Variants in ZFAT observed in about 807,000 individuals in gnomAD.
The protein encoded by ZFAT is zinc finger protein ZFAT.
Under a neutral mutation model 117.7 loss-of-function variants are expected in ZFAT, and 64 were observed. That is an observed-to-expected ratio of 0.54 (90% confidence interval 0.44 to 0.67). The LOEUF is 0.67. ZFAT is among the 30% of genes least tolerant of loss of function. ZFAT has a pLI of 0.00. For missense variants in ZFAT, 1,433 were observed against 1,584.5 expected (o/e 0.90, Z 1.62); for synonymous variants, 679 against 615.0 (o/e 1.10, Z -1.54).
intron 7 of ZFAT, among the ~76,000 whole-genome samples, chr8:134,596,009 G>A (rs569778558): frequency 1.3e-5 from 2 of 152,320 alleles, no homozygotes; most frequent in East Asian, 3.9e-4. Context: ...AGGCCAGGCA[G>A]CCAGAATTAT....
At chr8:134,819,336 A>T in the ZFAT span, among the ~76,000 whole-genome samples, 5 of 152,300 alleles carry the variant, frequency 3.3e-5, no homozygotes, top group African/African-American at 1.2e-4. Context: ...AAGAAAAATC[A>T]AAGTCCAAGA....
intron 1 of ZFAT, among the ~76,000 whole-genome samples, chr8:134,700,130 G>A (rs1320445827): frequency 6.6e-6 from 1 of 152,218 alleles, no homozygotes; most frequent in Non-Finnish European, 1.5e-5. Context: ...AGTCCAGTGT[G>A]TACCTCACCT....
chr8:134,523,758 C>G (rs964844068), intron 12 of ZFAT, among the ~76,000 whole-genome samples: 7 of 152,264 alleles, frequency 4.6e-5, no homozygotes, highest in Non-Finnish European at 7.3e-5. Flanking sequence ...TGCTGTGCCT[C>G]CTGGTTCACA....
At chr8:134,537,457 G>A (rs528967738) in intron 11 of ZFAT, among the ~76,000 whole-genome samples, 2 of 152,336 alleles carry the variant, frequency 1.3e-5, no homozygotes, top group South Asian at 4.1e-4. Context: ...CTAGACCGAG[G>A]AATCGCACAG....
chr8:134,533,145 G>C (rs1170041107), intron 11 of ZFAT, among the ~76,000 whole-genome samples, 173 bp from the exon 12 acceptor site: 1 of 152,212 alleles, frequency 6.6e-6, no homozygotes, highest in Non-Finnish European at 1.5e-5. Context: ...ACCTGCCTCT[G>C]CAGTGACCAA....
rs138419752 is a variant in ZFAT, at chr8:134,555,742, C to A, written c.2976+9591G>T. On this transcript the variant is annotated intron_variant, in intron 11 of 15. Coordinates refer to ENST00000377838, the MANE Select transcript of ZFAT (RefSeq NM_020863.4). ...AAAAAAGTCAATAGAAACTGATGTG[C>A]AGGTGCCCCAGATGTTAAAATTATT... Among the ~76,000 whole-genome samples, 15 of 151,598 alleles carry A rather than the reference C, an allele frequency of 9.9e-5. No homozygotes were observed. The East Asian group carries it at 2.7e-3, about 27-fold the overall frequency.
chr8:134,594,782 A>C (rs1398339074), intron 7 of ZFAT: 1 of 152,214 alleles, frequency 6.6e-6, no homozygotes, highest in East Asian at 1.9e-4. Flanking sequence ...TAAGTCCCAG[A>C]GTCAGAAAGT....
the ZFAT span, among the ~76,000 whole-genome samples, chr8:134,767,569 G>C: frequency 6.6e-6 from 1 of 152,134 alleles, no homozygotes; most frequent in East Asian, 1.9e-4. Context: ...AGGCTCAGTG[G>C]CTCACACCTG....
In ZFAT at chr8:134,602,048, G is replaced by A. The variant is rs749529089; in HGVS notation, c.1671C>T (p.Ala557=). The change falls in exon 6 of 16, where the codon GCC becomes GCT. Residue 557 remains alanine, a synonymous_variant. Transcript: ENST00000377838. ...GCGGGGAGGCCAGGTGCACAGCTGG[G>A]GCAGGCATTTCCCCAGGGGCCTCCG... is the stretch of plus-strand genomic sequence containing the variant. ...KEPEAPGEMP[A]PAVHLASPQA... 3 of 1,611,836 alleles carry A rather than the reference G, an allele frequency of 1.9e-6. No individual in the cohort carries two copies. The highest frequency in any genetic ancestry group is 1.1e-5 in the South Asian group (1 of 90,944).
intron 15 of ZFAT, among the ~76,000 whole-genome samples, chr8:134,502,297 C>T (rs1307988739): frequency 1.3e-5 from 2 of 152,180 alleles, no homozygotes; most frequent in African/African-American, 2.4e-5. Context: ...TACCAGGAGC[C>T]CTTGTCCAGA....
intron 5 of ZFAT, among the ~76,000 whole-genome samples, chr8:134,605,051 T>C (rs1455096407): frequency 6.6e-6 from 1 of 152,324 alleles, no homozygotes; most frequent in East Asian, 1.9e-4. Context: ...GGCAAATACC[T>C]GGTAAAGCCC....
chr8:134,784,633 A>T, the ZFAT span: 1 of 152,106 alleles, frequency 6.6e-6, no homozygotes, highest in African/African-American at 2.4e-5. Flanking sequence ...CTTTTCTGCC[A>T]TTTCATATAA....
At chr8:134,779,334 G>T in the ZFAT span, among the ~76,000 whole-genome samples, 1 of 152,136 alleles carries the variant, frequency 6.6e-6, no homozygotes, top group East Asian at 1.9e-4. Flanking sequence ...AAAACTGGTT[G>T]GTGGATTATG....
intron 1 of ZFAT, among the ~76,000 whole-genome samples, chr8:134,686,739 T>C (rs184297060): frequency 2.6e-4 from 39 of 152,172 alleles, no homozygotes; most frequent in Non-Finnish European, 5.1e-4. Flanking sequence ...CCTAGCTTAG[T>C]GCCTGGCCCC....
At chr8:134,620,431 C>T (rs376554759) in intron 3 of ZFAT, among the ~76,000 whole-genome samples, 1 of 152,312 alleles carries the variant, frequency 6.6e-6, no homozygotes, top group South Asian at 2.1e-4. Flanking sequence ...CAACAGGCTG[C>T]TGCTCTGGCC....
upstream of ZFAT, among the ~76,000 whole-genome samples, chr8:134,716,791 A>T (rs555726753): frequency 6.6e-6 from 1 of 152,400 alleles, no homozygotes; most frequent in South Asian, 2.1e-4. Flanking sequence ...CTGTGTAATT[A>T]CAAAACTAGT....
chr8:134,669,102 T>A (rs914482600), intron 1 of ZFAT, among the ~76,000 whole-genome samples: 2 of 152,068 alleles, frequency 1.3e-5, no homozygotes, highest in African/African-American at 4.8e-5. Flanking sequence ...TGGGACTATG[T>A]GAAAAGACCA....
chr8:134,784,304 A>G, the ZFAT span: 1 of 152,220 alleles, frequency 6.6e-6, no homozygotes, highest in African/African-American at 2.4e-5. Flanking sequence ...TGCTATTTCA[A>G]TAACTGCTGT....
At chr8:134,792,609 AACTC>A in the ZFAT span, 1 of 152,232 alleles carries the variant, frequency 6.6e-6, no homozygotes, top group African/African-American at 2.4e-5. Flanking sequence ...TATTAACTGT[AACTC>A]CAAGACATAT....
Sources: gnomAD v4.1 joint callset for allele counts (sites outside exome capture counted in the v4.1 genomes callset) on GRCh38, gnomAD v4.1.1 for gene constraint, MANE v1.5 for transcripts, NCBI Gene and HGNC (gene_info 2026-07-23, HGNC 2026-07-21) for gene names.